Variants in PCDH15 observed in about 807,000 individuals in gnomAD.
PCDH15 encodes the protein protocadherin-15.
PCDH15 carries 129 observed loss-of-function variants against 178.5 expected under a neutral mutation model. The observed-to-expected ratio is 0.72, with a 90% CI of 0.63 to 0.84. The LOEUF is 0.84. PCDH15 is among the 40% of genes least tolerant of loss of function. The probability of loss-of-function intolerance (pLI) is 0.00; values close to 1 mark genes in which losing one functional copy is unlikely to be tolerated. For missense variants in PCDH15, 2,230 were observed against 2,099.9 expected, an observed-to-expected ratio of 1.06 and a Z score of -1.21; for synonymous variants, 800 against 732.0, an observed-to-expected ratio of 1.09 and a Z score of -1.50.
chr10:55,084,462 T>TAA (rs71461276), intron 2 of PCDH15, among the ~76,000 whole-genome samples: 81 of 145,558 alleles, frequency 5.6e-4, no homozygotes, highest in African/African-American at 1.4e-3. Context: ...CCTCAAGCTG[T>TAA]AAAAAAAAAA....
chr10:54,758,487 T>C (rs1252076576), intron 1 of PCDH15, among the ~76,000 whole-genome samples: 4 of 152,204 alleles, frequency 2.6e-5, no homozygotes, highest in Non-Finnish European at 1.5e-5. Context: ...GTGTTGTAAA[T>C]GTATGATGTG....
intron 22 of PCDH15, among the ~76,000 whole-genome samples, chr10:53,960,343 C>T (rs1263746234): frequency 6.6e-6 from 1 of 152,060 alleles, no homozygotes; most frequent in Non-Finnish European, 1.5e-5. Flanking sequence ...AAATACTTTA[C>T]TCTAGAGGAT....
intron 3 of PCDH15, among the ~76,000 whole-genome samples, chr10:54,439,486 G>A (rs112537164): frequency 0.025 from 3,861 of 152,054 alleles, 167 homozygotes; most frequent in African/African-American, 0.088. Context: ...AGATTTTCAT[G>A]TGGCCACACT....
intron 3 of PCDH15, among the ~76,000 whole-genome samples, chr10:54,862,911 A>G (rs1161642132): frequency 6.6e-6 from 1 of 152,176 alleles, no homozygotes; most frequent in African/African-American, 2.4e-5. Context: ...ATATTATGTT[A>G]TAGTAACACA....
chr10:54,492,553 C>T lies in PCDH15; in HGVS notation c.157+35259G>A, dbSNP rs139518906. Among the ~76,000 whole-genome samples, 479 of 152,158 alleles carry T rather than the reference C, an allele frequency of 3.1e-3. 2 individuals carry two copies. The highest frequency in any genetic ancestry group is 0.011 in the African/African-American group (455 of 41,502). Reference sequence around the variant, plus strand: ...CAGTTGCCTACACTCAACTGTGTTCCAAAATTATTAAATGGATAATTCTAG... The same window carrying T: ...CAGTTGCCTACACTCAACTGTGTTCTAAAATTATTAAATGGATAATTCTAG... On this transcript the variant is annotated intron_variant, in intron 3 of 37. Transcript: ENST00000644397.
intron 2 of PCDH15, among the ~76,000 whole-genome samples, chr10:54,651,185 G>A (rs1350042662): frequency 2.0e-5 from 3 of 151,994 alleles, no homozygotes; most frequent in Admixed American, 6.6e-5. Flanking sequence ...AGAGGATACA[G>A]TAAGAAAAGC....
At position 53,906,012 on chromosome 10, in the gene PCDH15, C is replaced by T. The variant is rs1043445863; in HGVS notation, c.3374-2642G>A. On this transcript the variant is annotated intron_variant, in intron 25 of 37. Transcript: ENST00000644397. ...TACATTTATTTATTTTAAAAAGCCA[C>T]GATCATTTAGTTCTTTTCACAAAAG... Among the ~76,000 whole-genome samples, 7 of 151,966 alleles carry T rather than the reference C, an allele frequency of 4.6e-5. No individual in the cohort carries two copies. The South Asian group carries it at 8.3e-4, about 18-fold the overall frequency.
chr10:55,028,790 C>T (rs770622924), intron 2 of PCDH15, among the ~76,000 whole-genome samples: 15 of 151,872 alleles, frequency 9.9e-5, no homozygotes, highest in Non-Finnish European at 1.8e-4. Flanking sequence ...GTAAGCTACA[C>T]GAAACTTTTA....
intron 2 of PCDH15, among the ~76,000 whole-genome samples, chr10:55,593,783 T>C (rs1454093270): frequency 2.6e-5 from 4 of 151,878 alleles, no homozygotes; most frequent in African/African-American, 9.6e-5. Context: ...ATTAAGAAAA[T>C]ACTTTTCTAG....
intron 2 of PCDH15, among the ~76,000 whole-genome samples, chr10:55,472,815 G>C (rs999648610): frequency 6.6e-6 from 1 of 152,086 alleles, no homozygotes; most frequent in Non-Finnish European, 1.5e-5. Flanking sequence ...TGATCCACCC[G>C]ACTCGGCCTC....
At chr10:55,148,100 A>T (rs536873773) in intron 2 of PCDH15, among the ~76,000 whole-genome samples, 2 of 104,920 alleles carry the variant, frequency 1.9e-5, no homozygotes, top group African/African-American at 6.4e-5. Context: ...AAAATTCTGT[A>T]TCTTACAGGC....
intron 2 of PCDH15, among the ~76,000 whole-genome samples, chr10:54,601,065 G>T (rs1387444326): frequency 1.3e-5 from 2 of 152,000 alleles, no homozygotes; most frequent in African/African-American, 4.8e-5. Flanking sequence ...CATTTAAAAT[G>T]GACTTTTCTT....
chr10:54,811,875 T>C (rs988875740), intron 3 of PCDH15, among the ~76,000 whole-genome samples: 6 of 152,218 alleles, frequency 3.9e-5, no homozygotes. Flanking sequence ...ATGAATGCAA[T>C]CAGTTATTCC....
At chr10:54,925,037 G>C (rs147390360) in intron 2 of PCDH15, among the ~76,000 whole-genome samples, 1,666 of 152,158 alleles carry the variant, frequency 0.011, 19 homozygotes, top group South Asian at 0.037. Context: ...TGTCCTGCAT[G>C]GTATTGCCAA....
At chr10:53,853,267 T>G (rs2078508349) in intron 28 of PCDH15, among the ~76,000 whole-genome samples, 1 of 150,552 alleles carries the variant, frequency 6.6e-6, no homozygotes, top group Admixed American at 6.6e-5. Context: ...AAAAATTAAC[T>G]CAAAATGGAT....
At chr10:54,404,207 A>G (rs1952312165) in intron 3 of PCDH15, among the ~76,000 whole-genome samples, 1 of 151,946 alleles carries the variant, frequency 6.6e-6, no homozygotes, top group African/African-American at 2.4e-5. Flanking sequence ...GGACCTGAAT[A>G]GCCAAGGCAT....
At chr10:55,039,328 T>A (rs1840811820) in intron 2 of PCDH15, among the ~76,000 whole-genome samples, 1 of 152,002 alleles carries the variant, frequency 6.6e-6, no homozygotes, top group South Asian at 2.1e-4. Flanking sequence ...ATATCAGCAA[T>A]GAAGAGTTTA....
At chr10:54,746,455 CAA>C (rs1945473848) in intron 1 of PCDH15, among the ~76,000 whole-genome samples, 1 of 151,830 alleles carries the variant, frequency 6.6e-6, no homozygotes, top group Admixed American at 6.6e-5. Flanking sequence ...TTAAAATAAC[CAA>C]AAGAGTATAA....
intron 2 of PCDH15, among the ~76,000 whole-genome samples, chr10:55,442,206 G>A (rs1360748): frequency 0.77 from 116,191 of 151,810 alleles, 45,820 homozygotes; most frequent in East Asian, 0.99. Flanking sequence ...CAATATAAAT[G>A]CAAAAATCTG....
Sources: allele counts gnomAD v4.1 joint callset (sites outside exome capture counted in the v4.1 genomes callset), GRCh38; gene constraint gnomAD v4.1.1; transcripts MANE v1.5; gene names NCBI Gene and HGNC (gene_info 2026-07-23, HGNC 2026-07-21).